Variants in LIN54 observed in about 807,000 individuals in gnomAD.
The protein encoded by LIN54 is protein lin-54 homolog.
LIN54 carries 9 observed loss-of-function variants against 78.7 expected under a neutral mutation model. The ratio of observed to expected loss-of-function variants is 0.11; its 90% CI spans 0.07 to 0.20. The LOEUF (loss-of-function observed/expected upper bound fraction) is 0.20, where lower values mean the gene tolerates loss of function less well. LIN54 is among the 10% of genes least tolerant of loss of function. The pLI, the probability that LIN54 is intolerant of heterozygous loss-of-function variation, is 1.00. For synonymous variants in LIN54, 269 were observed against 318.4 expected, an observed-to-expected ratio of 0.84 and a Z score of 1.65; for missense variants, 573 against 889.9, an observed-to-expected ratio of 0.64 and a Z score of 4.53.
chr4:82,957,420 C>T (rs981317342), intron 4 of LIN54, among the ~76,000 whole-genome samples: 3 of 152,186 alleles, frequency 2.0e-5, no homozygotes, highest in Admixed American at 1.3e-4. Flanking sequence ...GTCTCAGAAA[C>T]ATCCCAAGAG....
intron 4 of LIN54, among the ~76,000 whole-genome samples, chr4:82,949,766 T>C (rs1723704398): frequency 6.6e-6 from 1 of 152,084 alleles, no homozygotes; most frequent in Non-Finnish European, 1.5e-5. Flanking sequence ...TTTTCCTCAA[T>C]CCATAGGCTG....
intron 3 of LIN54, among the ~76,000 whole-genome samples, chr4:82,971,518 AT>A (rs1318142121): frequency 1.3e-5 from 2 of 150,286 alleles, no homozygotes; most frequent in African/African-American, 4.9e-5. Context: ...CAATTTTTAA[AT>A]TTTTTTTAAA....
chr4:82,968,189 T>C (rs1379078604), intron 4 of LIN54, among the ~76,000 whole-genome samples: 2 of 152,010 alleles, frequency 1.3e-5, no homozygotes, highest in African/African-American at 4.8e-5. Flanking sequence ...ATTACAGGCA[T>C]GTGCCACCAA....
Position 82,984,862 on chromosome 4 carries a change from A to G in LIN54, c.-18T>C. 3 of 1,590,656 alleles carry G rather than the reference A, an allele frequency of 1.9e-6. No individual in the cohort carries two copies. The highest frequency in any genetic ancestry group is 2.3e-5 in the South Asian group (2 of 88,374). ...ACCTCCATGATCGTTCTCCCGCTAG[A>G]AAGTTGATCAGGCACTGTAATAAAA... On this transcript the variant is annotated 5_prime_UTR_variant, in exon 2 of 13. Transcript: ENST00000340417.
At position 82,984,555 on chromosome 4, in the gene LIN54, C is replaced by G. The variant is rs1181698979; in HGVS notation, c.290G>C (p.Ser97Thr). ...CTGAGCACCAAGTTTTTGAAGGCCACTTGGAAAAGCTGGTTTCACTGTGGT... is the reference window on the plus strand; with the variant it reads ...CTGAGCACCAAGTTTTTGAAGGCCAGTTGGAAAAGCTGGTTTCACTGTGGT... ...SNTTVKPAFP[S>T]GLQKLGAQTP... The change falls in exon 2 of 13, where the codon AGT becomes ACT. Residue 97 changes from serine to threonine, a missense_variant. Transcript: ENST00000340417. 2.5e-6 allele frequency: 4 copies of G among 1,614,172 alleles called. No homozygotes were observed. Among genetic ancestry groups the G allele is most frequent in the Admixed American group, 1.7e-5 (1 of 60,006 alleles).
intron 5 of LIN54, chr4:82,944,961 A>C (rs1486204575): frequency 1.3e-5 from 2 of 152,294 alleles, no homozygotes; most frequent in Non-Finnish European, 2.9e-5. Context: ...GCCCAGGTTC[A>C]AGCGATTCTC....
At chr4:82,941,268 T>A (rs2126038834) in intron 5 of LIN54, among the ~76,000 whole-genome samples, 1 of 151,302 alleles carries the variant, frequency 6.6e-6, no homozygotes, top group East Asian at 2.0e-4. Flanking sequence ...GGAGGGCACA[T>A]AGACTGGAGA....
At chr4:83,004,487 A>G (rs757329859) in intron 1 of LIN54, among the ~76,000 whole-genome samples, 47 of 152,026 alleles carry the variant, frequency 3.1e-4, no homozygotes, top group Non-Finnish European at 5.9e-4. Flanking sequence ...CTATGGAAAG[A>G]AATACATTTT....
At chr4:82,932,556 C>T (rs1420804220) in intron 11 of LIN54, among the ~76,000 whole-genome samples, 4 of 151,252 alleles carry the variant, frequency 2.6e-5, no homozygotes, top group African/African-American at 9.7e-5. Context: ...CGGTGGCTCA[C>T]GCCTGAAATC....
intron 3 of LIN54, among the ~76,000 whole-genome samples, chr4:82,975,387 C>CA (rs1424226865): frequency 6.6e-6 from 1 of 151,100 alleles, no homozygotes; most frequent in African/African-American, 2.4e-5. Context: ...TATCTTACCA[C>CA]AATTTTTTAA....
At chr4:82,933,494 A>G (rs1389682034) in intron 11 of LIN54, among the ~76,000 whole-genome samples, 2 of 152,174 alleles carry the variant, frequency 1.3e-5, no homozygotes, top group East Asian at 3.8e-4. Context: ...GAAAGGACAC[A>G]TGAATGTGTT....
chr4:82,947,379 C>T (rs1245992566), intron 4 of LIN54, among the ~76,000 whole-genome samples: 1 of 145,060 alleles, frequency 6.9e-6, no homozygotes, highest in Non-Finnish European at 1.5e-5. Context: ...ACCACAGGTA[C>T]CACGCCCAGT....
chr4:82,974,691 C>G (rs188409341), intron 3 of LIN54, among the ~76,000 whole-genome samples: 6 of 152,104 alleles, frequency 3.9e-5, no homozygotes, highest in Non-Finnish European at 7.4e-5. Flanking sequence ...GAGCCACGAT[C>G]GCACCACTGC....
chr4:82,947,724 A>G (rs1013920002), intron 4 of LIN54, among the ~76,000 whole-genome samples: 3 of 152,146 alleles, frequency 2.0e-5, no homozygotes, highest in South Asian at 4.1e-4. Context: ...TAACCAATGT[A>G]CAACACACTG....
intron 4 of LIN54, among the ~76,000 whole-genome samples, chr4:82,951,936 T>C (rs144138978): frequency 6.6e-6 from 1 of 152,076 alleles, no homozygotes; most frequent in African/African-American, 2.4e-5. Context: ...AACAGTGAAG[T>C]TGGACCCTCA....
intron 4 of LIN54, among the ~76,000 whole-genome samples, chr4:82,952,620 A>G (rs902334186): frequency 6.6e-6 from 1 of 152,212 alleles, no homozygotes; most frequent in Non-Finnish European, 1.5e-5. Context: ...ACTGTATTCA[A>G]AAGAATTAAA....
chr4:82,945,827 C>T (rs1332073033), intron 5 of LIN54, among the ~76,000 whole-genome samples: 2 of 152,096 alleles, frequency 1.3e-5, no homozygotes, highest in African/African-American at 4.8e-5. Flanking sequence ...ATTATAGATT[C>T]AAAATAAGTA....
intron 1 of LIN54, among the ~76,000 whole-genome samples, chr4:82,999,874 T>C (rs577547242): frequency 1.3e-5 from 2 of 151,372 alleles, no homozygotes; most frequent in African/African-American, 2.4e-5. Flanking sequence ...GGAGAATGGA[T>C]ATCTGCCCAA....
intron 1 of LIN54, among the ~76,000 whole-genome samples, chr4:82,985,541 CTTAA>C (rs1021224957): frequency 1.3e-5 from 2 of 152,164 alleles, no homozygotes; most frequent in Non-Finnish European, 1.5e-5. Context: ...TACTTACTTA[CTTAA>C]TTAATTAATT....
Sources: gnomAD v4.1 joint callset for allele counts (sites outside exome capture counted in the v4.1 genomes callset) on GRCh38, gnomAD v4.1.1 for gene constraint, MANE v1.5 for transcripts, NCBI Gene and HGNC (gene_info 2026-07-23, HGNC 2026-07-21) for gene names.